Variants in GLIS1 observed in about 807,000 individuals in gnomAD.
GLIS1 encodes the protein zinc finger protein GLIS1.
Under a neutral mutation model 63.8 loss-of-function variants are expected in GLIS1, and 24 were observed. The ratio of observed to expected loss-of-function variants is 0.38; its 90% confidence interval spans 0.27 to 0.53. GLIS1 has a LOEUF of 0.53. Among genes scored for constraint, GLIS1 ranks in the 20% least tolerant of loss-of-function variants. GLIS1 has a pLI of 0.85. For synonymous variants in GLIS1, 450 were observed against 482.5 expected (o/e 0.93, Z 0.88); for missense variants, 1,036 against 1,074.1 (o/e 0.96, Z 0.50).
At chr1:53,617,094 C>A (rs567131391) in intron 2 of GLIS1, among the ~76,000 whole-genome samples, 1 of 152,220 alleles carries the variant, frequency 6.6e-6, no homozygotes, top group South Asian at 2.1e-4. Context: ...TCAGCCTGCA[C>A]GCTCAGCCCG....
chr1:53,701,602 T>A (rs1646523213), intron 2 of GLIS1, among the ~76,000 whole-genome samples: 1 of 152,170 alleles, frequency 6.6e-6, no homozygotes, highest in African/African-American at 2.4e-5. Flanking sequence ...AGGATTCAAA[T>A]CTAAGCTAGA....
At position 53,549,600 on chromosome 1, in the gene GLIS1, C is replaced by T. The variant is rs534917898; in HGVS notation, c.1321-19648G>A. ...GAGAAATGTCAGGTCAAGTTCCTTG[C>T]CTATTTTTAAGTTATGTTATCTTTT... On this transcript the variant is annotated intron_variant, in intron 4 of 10. Coordinates refer to ENST00000628545, the MANE Select transcript of GLIS1 (RefSeq NM_001367484.1). Among the ~76,000 whole-genome samples, 22 of 152,290 alleles carry T rather than the reference C, an allele frequency of 1.4e-4. No individual in the cohort carries two copies. In the South Asian group the frequency reaches 4.6e-3, roughly 32 times the overall value.
intron 10 of GLIS1, 74 bp from the exon 11 acceptor site, chr1:53,506,850 C>A: frequency 7.1e-7 from 1 of 1,410,466 alleles, no homozygotes; most frequent in Middle Eastern, 2.5e-4. Context: ...CAGTTCCAGG[C>A]CCCACCCCGC....
chr1:53,684,230 C>A (rs1646306621), intron 2 of GLIS1, among the ~76,000 whole-genome samples: 1 of 152,148 alleles, frequency 6.6e-6, no homozygotes, highest in Admixed American at 6.5e-5. Context: ...CCTACCCTCT[C>A]TGGAGGGAGC....
At position 53,680,638 on chromosome 1, in the gene GLIS1, G is replaced by A. The variant is rs1316083769; in HGVS notation, c.259+57168C>T. The stretch of plus-strand genomic sequence containing the variant: ...TGATAGTCATCCTGTTAATATCAGA[G>A]AAGGTTTTAAAACTCACGTGGCCAG... On this transcript the variant is annotated intron_variant, in intron 2 of 10. Coordinates refer to ENST00000628545, the MANE Select transcript of GLIS1 (RefSeq NM_001367484.1). 2.0e-5 allele frequency among the ~76,000 whole-genome samples: 3 copies of A among 152,356 alleles called. No homozygotes were observed. The East Asian group carries it at 5.8e-4, about 29-fold the overall frequency.
chr1:53,568,739 C>T (rs1644957472), intron 4 of GLIS1, among the ~76,000 whole-genome samples: 1 of 152,200 alleles, frequency 6.6e-6, no homozygotes, highest in Admixed American at 6.5e-5. Flanking sequence ...TCCTGCTCCA[C>T]CATGATAAGA....
intron 10 of GLIS1, among the ~76,000 whole-genome samples, chr1:53,508,088 T>G (rs1484351022): frequency 6.6e-6 from 1 of 152,150 alleles, no homozygotes; most frequent in Non-Finnish European, 1.5e-5. Flanking sequence ...GAAACAGCCA[T>G]GAGTCGTGGG....
chr1:53,676,573 G>A (rs764246381), intron 2 of GLIS1, among the ~76,000 whole-genome samples: 3 of 152,082 alleles, frequency 2.0e-5, no homozygotes, highest in African/African-American at 7.2e-5. Context: ...AGGCATGGCC[G>A]ATGTAGATAT....
intron 4 of GLIS1, among the ~76,000 whole-genome samples, chr1:53,546,689 G>T (rs1012151861): frequency 2.9e-4 from 44 of 152,322 alleles, no homozygotes; most frequent in African/African-American, 1.1e-3. Context: ...CGACACCAAG[G>T]TGCCTCTGCT....
intron 4 of GLIS1, among the ~76,000 whole-genome samples, chr1:53,555,535 A>C (rs887546078): frequency 6.6e-6 from 1 of 152,076 alleles, no homozygotes; most frequent in Non-Finnish European, 1.5e-5. Flanking sequence ...GTCTCAAAAA[A>C]ACAAAAACAA....
chr1:53,641,783 C>T (rs1165973562), intron 2 of GLIS1, among the ~76,000 whole-genome samples: 1 of 152,238 alleles, frequency 6.6e-6, no homozygotes, highest in Non-Finnish European at 1.5e-5. Context: ...CCTCAAGCTT[C>T]TTGGGAAGGA....
Position 53,594,289 on chromosome 1 carries a change from G to C in GLIS1, c.1139C>G (p.Ala380Gly), listed in dbSNP as rs1265067030. The C allele has an allele frequency of 1.2e-6, 2 of 1,612,988 alleles. No homozygotes were observed. The highest frequency in any genetic ancestry group is 8.5e-7 in the Non-Finnish European group (1 of 1,179,930). The change falls in exon 4 of 11, where the codon GCC becomes GGC. Residue 380 changes from alanine to glycine, a missense_variant. Around this residue, in one of 3 missense-constraint regions of GLIS1, gnomAD observed 592 missense variants for 593.9 expected, o/e 1.00. Coordinates refer to ENST00000628545, the MANE Select transcript of GLIS1 (RefSeq NM_001367484.1). The stretch of plus-strand genomic sequence containing the variant: ...CACCAGCTCCTCCTGCTGCTCATAG[G>C]CTGCACAGCAGTCCACCCAGCGGCA... ...QACRWVDCCA[A>G]YEQQEELVRH...
chr1:53,618,610 C>T (rs2100590560), intron 2 of GLIS1, among the ~76,000 whole-genome samples: 1 of 152,296 alleles, frequency 6.6e-6, no homozygotes, highest in Admixed American at 6.5e-5. Context: ...AGGGCTGCAC[C>T]AGCCCACACA....
At chr1:53,621,246 T>C (rs944653498) in intron 2 of GLIS1, among the ~76,000 whole-genome samples, 1 of 152,270 alleles carries the variant, frequency 6.6e-6, no homozygotes, top group Admixed American at 6.5e-5. Flanking sequence ...AGGGTCACTC[T>C]CATTCTGTAT....
intron 2 of GLIS1, among the ~76,000 whole-genome samples, chr1:53,603,471 T>A (rs1443692110): frequency 6.6e-6 from 1 of 152,190 alleles, no homozygotes; most frequent in Non-Finnish European, 1.5e-5. Flanking sequence ...GTCCCAGAAA[T>A]GCTGCTGTCA....
chr1:53,592,377 G>A (rs1365825812), intron 4 of GLIS1, among the ~76,000 whole-genome samples: 1 of 152,208 alleles, frequency 6.6e-6, no homozygotes, highest in Non-Finnish European at 1.5e-5. Flanking sequence ...AGTGTCCTGT[G>A]GAGTCTTGTC....
In GLIS1 at chr1:53,594,533, G is replaced by C; in HGVS notation, c.895C>G (p.Pro299Ala). The C allele has an allele frequency of 6.2e-7, 1 of 1,606,498 alleles. No individual in the cohort carries two copies. The highest frequency in any genetic ancestry group is 1.1e-5 in the South Asian group (1 of 90,936). ...GGPSKRARPG[P>A]ASTDSHEGSL... is the part of the protein sequence containing the mutation. ...CCCTCATGGCTGTCCGTCGATGCAG[G>C]GCCAGGCCGGGCCCGCTTGGAAGGG... Residue 299 changes from proline to alanine, a missense_variant, in exon 4 of 11, where the codon CCT (proline) becomes GCT (alanine). Physicochemically the swap from Pro to Ala is conservative, Grantham distance 27. Transcript: ENST00000628545.
intron 4 of GLIS1, among the ~76,000 whole-genome samples, chr1:53,584,456 C>T (rs1171023563): frequency 6.6e-6 from 1 of 152,196 alleles, no homozygotes; most frequent in Admixed American, 6.5e-5. Flanking sequence ...TGTCAGAGCC[C>T]AGCTCTCATG....
intron 2 of GLIS1, among the ~76,000 whole-genome samples, chr1:53,714,666 A>G (rs1646679709): frequency 6.6e-6 from 1 of 152,242 alleles, no homozygotes; most frequent in Non-Finnish European, 1.5e-5. Context: ...AATAGTGGCC[A>G]AGCCTCTTTA....
Sources: allele counts gnomAD v4.1 joint callset (sites outside exome capture counted in the v4.1 genomes callset), GRCh38; gene constraint gnomAD v4.1.1; regional missense constraint gnomAD v4.1.1; transcripts MANE v1.5; gene names NCBI Gene and HGNC (gene_info 2026-07-23, HGNC 2026-07-21).